PITPNM3: variants seen among roughly 807,000 people sequenced by gnomAD.
The protein encoded by PITPNM3 is PITPNM family member 3, also known as membrane-associated phosphatidylinositol transfer protein 3.
PITPNM3 carries 26 observed loss-of-function variants against 102.0 expected under a neutral mutation model. The observed-to-expected ratio is 0.25, with a 90% CI of 0.19 to 0.35. PITPNM3 has a LOEUF of 0.35. Among genes scored for constraint, PITPNM3 ranks in the 10% least tolerant of loss-of-function variants. The probability of loss-of-function intolerance (pLI) is 1.00; values close to 1 mark genes in which losing one functional copy is unlikely to be tolerated. For synonymous variants in PITPNM3, 578 were observed against 558.6 expected, an observed-to-expected ratio of 1.03 and a Z score of -0.49; for missense variants, 1,083 against 1,346.1, an observed-to-expected ratio of 0.80 and a Z score of 3.06.
At chr17:6,508,116 G>A (rs1430593687) in intron 3 of PITPNM3, among the ~76,000 whole-genome samples, 1 of 151,794 alleles carries the variant, frequency 6.6e-6, no homozygotes, top group Non-Finnish European at 1.5e-5. Flanking sequence ...AAGAAGCTCG[G>A]GGACCCAGGT....
rs566057391 is a variant in PITPNM3 at position 6,510,903 on chromosome 17, G to C, written c.227-7329C>G. Among the ~76,000 whole-genome samples, 6 of 152,356 alleles carry C rather than the reference G, an allele frequency of 3.9e-5. No homozygotes were observed. The South Asian group carries it at 1.2e-3, about 32-fold the overall frequency. Reference sequence around the variant, plus strand: ...GCCGGGGCAAAGGCAGGAAGCTGACGAGCTCCGCATGAGCCCAGGGATCTC... The same window carrying C: ...GCCGGGGCAAAGGCAGGAAGCTGACCAGCTCCGCATGAGCCCAGGGATCTC... On this transcript the variant is annotated intron_variant, in intron 3 of 19. Transcript: ENST00000262483.
At chr17:6,500,968 G>A (rs368370803) in intron 4 of PITPNM3, among the ~76,000 whole-genome samples, 19 of 152,116 alleles carry the variant, frequency 1.2e-4, no homozygotes, top group African/African-American at 3.6e-4. Flanking sequence ...GAGCCACCAC[G>A]CCCAGCCCAA....
chr17:6,473,206 T>G, intron 10 of PITPNM3: 1 of 335,926 alleles, frequency 3.0e-6, no homozygotes, highest in Non-Finnish European at 5.8e-6. Context: ...CCAACCCAGG[T>G]TCCTTCAGGC....
Position 6,468,045 on chromosome 17 carries a change from C to A in PITPNM3, c.1890+180G>T, listed in dbSNP as rs905047728. 3.3e-5 allele frequency among the ~76,000 whole-genome samples: 5 copies of A among 152,240 alleles called. No individual in the cohort carries two copies. Among genetic ancestry groups the A allele is most frequent in the Non-Finnish European group, 5.9e-5 (4 of 68,042 alleles). On this transcript the variant is annotated intron_variant, in intron 14 of 19. Transcript: ENST00000262483. The surrounding 1 kb of genome is among the most constrained non-coding windows in gnomAD (Gnocchi z 5.2). ...GAACCAGGCCATGGGAAGCAACTCA[C>A]ACACCCTTGCAGCTGCAGTGCCTGG... is the stretch of plus-strand genomic sequence containing the variant.
Position 6,459,799 on chromosome 17 carries a change from T to A in PITPNM3, c.2490+1574A>T, listed in dbSNP as rs527497831. Among the ~76,000 whole-genome samples the A allele has an allele frequency of 6.6e-6, 1 of 152,236 alleles. No individual in the cohort carries two copies. The highest frequency in any genetic ancestry group is 2.1e-4 in the South Asian group (1 of 4,830). ...CCCTCCTGGTCACCCAGCACGGGCA[T>A]CTTAGAACTCCTCGCTCCCTGCATC... On this transcript the variant is annotated intron_variant, in intron 18 of 19. Transcript: ENST00000262483. This position sits in a 1 kb window ranked among gnomAD's most constrained non-coding sequence, Gnocchi z 5.0.
At position 6,515,973 on chromosome 17, in the gene PITPNM3, G is replaced by A. The variant is rs1464920129; in HGVS notation, c.226+9383C>T. Among the ~76,000 whole-genome samples, 3 of 152,290 alleles carry A rather than the reference G, an allele frequency of 2.0e-5. No individual in the cohort carries two copies. In the East Asian group the frequency reaches 5.8e-4, roughly 29 times the overall value. On this transcript the variant is annotated intron_variant, in intron 3 of 19. Coordinates refer to ENST00000262483, the MANE Select transcript of PITPNM3 (RefSeq NM_031220.4). ...AGGCCGGAGGATCGCTTGAGCCTAGGAGTCCAAGACCAACCAAGACAACAC... is the reference window on the plus strand; with the variant it reads ...AGGCCGGAGGATCGCTTGAGCCTAGAAGTCCAAGACCAACCAAGACAACAC...
At chr17:6,514,511 A>C (rs1361034195) in intron 3 of PITPNM3, among the ~76,000 whole-genome samples, 1 of 152,252 alleles carries the variant, frequency 6.6e-6, no homozygotes, top group Non-Finnish European at 1.5e-5. Context: ...GATGCTCAAC[A>C]TCATTAGTCA....
intron 4 of PITPNM3, among the ~76,000 whole-genome samples, chr17:6,490,397 T>C (rs542474006): frequency 6.6e-6 from 1 of 152,232 alleles, no homozygotes; most frequent in Non-Finnish European, 1.5e-5. Context: ...TCTGAGATTC[T>C]ATGAGTCCAA....
chr17:6,503,705 C>G, intron 3 of PITPNM3, 131 bp from the exon 4 acceptor site: 2 of 890,678 alleles, frequency 2.2e-6, no homozygotes, highest in Non-Finnish European at 3.6e-6. Context: ...GTATCTCCTA[C>G]CACTTCATGC....
chr17:6,517,799 A>G lies in PITPNM3; in HGVS notation c.226+7557T>C, dbSNP rs543459041. ...GGTCCCAAATTCCTGGGCTCAAGCG[A>G]TCCTCCCACCTCGGCCTCCCAAAGT... On this transcript the variant is annotated intron_variant, in intron 3 of 19. Coordinates refer to ENST00000262483, the MANE Select transcript of PITPNM3 (RefSeq NM_031220.4). This position sits in a 1 kb window ranked among gnomAD's most constrained non-coding sequence, Gnocchi z 4.1. 1.3e-5 allele frequency among the ~76,000 whole-genome samples: 2 copies of G among 152,170 alleles called. No individual in the cohort carries two copies. The highest frequency in any genetic ancestry group is 2.9e-5 in the Non-Finnish European group (2 of 67,994).
intron 6 of PITPNM3, among the ~76,000 whole-genome samples, chr17:6,482,022 C>T (rs866436209): frequency 9.1e-6 from 1 of 109,688 alleles, no homozygotes; most frequent in Admixed American, 9.2e-5. Context: ...CTCTCTCTCT[C>T]TCTCTCTCTC....
Position 6,472,616 on chromosome 17 carries a change from C to T in PITPNM3, c.1429+41G>A, listed in dbSNP as rs142147387. ...AGGGGTTGAATGGGCTGGGGCCCCA[C>T]CTCCAGCTCAGCACACTCTCTCCCA... On this transcript the variant is annotated intron_variant, in intron 11 of 19. Transcript: ENST00000262483. This position sits in a 1 kb window ranked among gnomAD's most constrained non-coding sequence, Gnocchi z 4.1. 39 of 1,593,854 alleles carry T rather than the reference C, an allele frequency of 2.4e-5. No individual in the cohort carries two copies. The African/African-American group carries it at 4.8e-4, about 20-fold the overall frequency.
intron 3 of PITPNM3, among the ~76,000 whole-genome samples, chr17:6,509,557 G>A (rs965804346): frequency 1.3e-5 from 2 of 152,158 alleles, no homozygotes; most frequent in South Asian, 4.1e-4. Flanking sequence ...GCCAGGCTCC[G>A]GGCCAGACTG....
intron 6 of PITPNM3, among the ~76,000 whole-genome samples, chr17:6,481,985 CCTCTCTCTCTCT>C (rs773528111): frequency 0.05 from 2,781 of 56,148 alleles, 84 homozygotes; most frequent in East Asian, 0.14. Flanking sequence ...GAAAACAGAA[CCTCTCTCTCTCT>C]CTCTCTCTCT....
At chr17:6,543,751 T>C (rs1381745291) in intron 1 of PITPNM3, among the ~76,000 whole-genome samples, 1 of 152,064 alleles carries the variant, frequency 6.6e-6, no homozygotes. Context: ...ACACCCACCA[T>C]GTCTGTCCCG....
At chr17:6,461,295 A>C in intron 18 of PITPNM3, 78 bp downstream of exon 18, 1 of 1,510,588 alleles carries the variant, frequency 6.6e-7, no homozygotes, top group Non-Finnish European at 9.2e-7. Flanking sequence ...CCCACCCGGG[A>C]GGAGGGAGAT....
chr17:6,535,763 A>T (rs897794432), intron 2 of PITPNM3, among the ~76,000 whole-genome samples: 6 of 146,954 alleles, frequency 4.1e-5, no homozygotes, highest in Non-Finnish European at 7.5e-5. Flanking sequence ...TACTAAAAAT[A>T]AAAAAAAAAA....
intron 9 of PITPNM3, 112 bp from the exon 10 acceptor site, chr17:6,474,716 A>C: frequency 7.6e-7 from 1 of 1,312,666 alleles, no homozygotes; most frequent in Non-Finnish European, 1.0e-6. Flanking sequence ...CCAACCCTCC[A>C]TCTCTGGGGC....
chr17:6,529,371 A>T (rs1415350399), intron 2 of PITPNM3, among the ~76,000 whole-genome samples: 2 of 152,100 alleles, frequency 1.3e-5, no homozygotes, highest in East Asian at 3.9e-4. Context: ...GAGGCGGGCA[A>T]ATCACAAGGG....
Sources: gnomAD v4.1 joint callset for allele counts (sites outside exome capture counted in the v4.1 genomes callset) on GRCh38, gnomAD v4.1.1 for gene constraint, Gnocchi (gnomAD v3.1) non-coding constraint, MANE v1.5 for transcripts, NCBI Gene and HGNC (gene_info 2026-07-23, HGNC 2026-07-21) for gene names.